UBE2R2: variants seen among roughly 807,000 people sequenced by gnomAD.
UBE2R2 encodes the protein ubiquitin-conjugating enzyme E2 R2.
UBE2R2 carries 1 observed loss-of-function variant against 27.8 expected under a neutral mutation model. The observed-to-expected ratio is 0.04, with a 90% CI of 0.01 to 0.17. The LOEUF (loss-of-function observed/expected upper bound fraction) is 0.17, where lower values mean the gene tolerates loss of function less well. UBE2R2 is among the 10% of genes least tolerant of loss of function. The pLI is 1.00. For synonymous variants in UBE2R2, 106 were observed against 113.3 expected (o/e 0.94, Z 0.41); for missense variants, 100 against 291.0 (o/e 0.34, Z 4.78).
chr9:33,888,533 G>A (rs2130797830), intron 2 of UBE2R2, among the ~76,000 whole-genome samples: 1 of 152,004 alleles, frequency 6.6e-6, no homozygotes. Context: ...TTATTTATTT[G>A]TTATTTGAGA....
chr9:33,818,096 C>T (rs994879811), intron 1 of UBE2R2, among the ~76,000 whole-genome samples, 162 bp downstream of exon 1: 5 of 151,924 alleles, frequency 3.3e-5, no homozygotes, highest in African/African-American at 1.2e-4. Context: ...GAAGGCCTTG[C>T]TCGCCGAGTG....
chr9:33,835,319 G>A (rs1820594123), intron 1 of UBE2R2, among the ~76,000 whole-genome samples: 1 of 151,618 alleles, frequency 6.6e-6, no homozygotes, highest in South Asian at 2.1e-4. Flanking sequence ...GGTAATTTTT[G>A]TATTTTTAGT....
At chr9:33,867,488 T>A (rs777142112) in intron 1 of UBE2R2, among the ~76,000 whole-genome samples, 3 of 152,210 alleles carry the variant, frequency 2.0e-5, no homozygotes, top group Non-Finnish European at 4.4e-5. Context: ...GTAGTAAGAT[T>A]GCCAGTTTTC....
chr9:33,891,180 G>A (rs1313629832), intron 2 of UBE2R2, among the ~76,000 whole-genome samples: 1 of 151,418 alleles, frequency 6.6e-6, no homozygotes, highest in Non-Finnish European at 1.5e-5. Flanking sequence ...CTTCTGAGTA[G>A]CTGGGATTAC....
intron 1 of UBE2R2, among the ~76,000 whole-genome samples, chr9:33,880,989 C>T (rs1378221467): frequency 6.6e-6 from 1 of 152,160 alleles, no homozygotes; most frequent in Non-Finnish European, 1.5e-5. Flanking sequence ...TTGGGGACTG[C>T]TGCTTTAGAC....
intron 1 of UBE2R2, among the ~76,000 whole-genome samples, chr9:33,834,594 A>G (rs963846961): frequency 6.6e-6 from 1 of 152,074 alleles, no homozygotes; most frequent in Non-Finnish European, 1.5e-5. Flanking sequence ...TTATATTTAT[A>G]AAACCTATTC....
chr9:33,864,133 C>T (rs1821308117), intron 1 of UBE2R2, among the ~76,000 whole-genome samples: 1 of 152,042 alleles, frequency 6.6e-6, no homozygotes, highest in Admixed American at 6.6e-5. Context: ...GGCCTGATTA[C>T]TAATTTTATC....
chr9:33,882,532 C>T (rs1821751888), intron 1 of UBE2R2, among the ~76,000 whole-genome samples: 1 of 152,172 alleles, frequency 6.6e-6, no homozygotes, highest in Non-Finnish European at 1.5e-5. Flanking sequence ...ATCCACCCGC[C>T]TAGGGCTCCA....
At chr9:33,860,965 G>GT (rs1417830370) in intron 1 of UBE2R2, among the ~76,000 whole-genome samples, 1,791 of 59,622 alleles carry the variant, frequency 0.03, 17 homozygotes, top group Admixed American at 0.042. Flanking sequence ...TTTGTTTTTT[G>GT]TTTTTTTTTT....
intron 1 of UBE2R2, among the ~76,000 whole-genome samples, chr9:33,870,915 TAC>T (rs1821472885): frequency 6.6e-6 from 1 of 152,206 alleles, no homozygotes; most frequent in African/African-American, 2.4e-5. Flanking sequence ...TTAAATCAAT[TAC>T]AGAGTCTCAT....
At position 33,824,382 on chromosome 9, in the gene UBE2R2, A is replaced by G. The variant is rs562002113; in HGVS notation, c.177+6448A>G. ...CCGGGCGCGGTAGCTCATGCCTGTA[A>G]TCCTAGCACTTTGGGAGGCCGAGGC... On this transcript the variant is annotated intron_variant, in intron 1 of 4. Coordinates refer to ENST00000263228, the MANE Select transcript of UBE2R2 (RefSeq NM_017811.4). Among the ~76,000 whole-genome samples, 9 of 152,154 alleles carry G rather than the reference A, an allele frequency of 5.9e-5. No homozygotes were observed. In the South Asian group the frequency reaches 6.2e-4, roughly 11 times the overall value.
intron 1 of UBE2R2, among the ~76,000 whole-genome samples, chr9:33,835,205 T>C (rs1820590877): frequency 6.9e-6 from 1 of 145,702 alleles, no homozygotes; most frequent in Non-Finnish European, 1.5e-5. Context: ...TGGAGTTTAA[T>C]GGCATGATCT....
chr9:33,867,567 G>C (rs1356146701), intron 1 of UBE2R2, among the ~76,000 whole-genome samples: 1 of 152,114 alleles, frequency 6.6e-6, no homozygotes, highest in East Asian at 1.9e-4. Flanking sequence ...TTGCATCTTT[G>C]CTAGTCTTTT....
intron 1 of UBE2R2, among the ~76,000 whole-genome samples, chr9:33,838,995 T>G (rs1820674348): frequency 6.6e-6 from 1 of 151,084 alleles, no homozygotes; most frequent in African/African-American, 2.4e-5. Flanking sequence ...GGCAGGAGAA[T>G]TGCTTGAACC....
chr9:33,908,559 A>G (rs1447037357), intron 3 of UBE2R2, among the ~76,000 whole-genome samples: 2 of 152,210 alleles, frequency 1.3e-5, no homozygotes, highest in Non-Finnish European at 2.9e-5. Context: ...CCACTATATT[A>G]GTCTGCTGTA....
At chr9:33,848,047 G>T (rs1168254421) in intron 1 of UBE2R2, among the ~76,000 whole-genome samples, 1 of 151,944 alleles carries the variant, frequency 6.6e-6, no homozygotes, top group Non-Finnish European at 1.5e-5. Flanking sequence ...GAGCCACTGC[G>T]CCTGGCCTGT....
At chr9:33,846,452 T>G (rs1255015296) in intron 1 of UBE2R2, among the ~76,000 whole-genome samples, 1 of 152,220 alleles carries the variant, frequency 6.6e-6, no homozygotes, top group Non-Finnish European at 1.5e-5. Context: ...TGTCATCTAA[T>G]TTGACAAAAC....
intron 1 of UBE2R2, among the ~76,000 whole-genome samples, chr9:33,856,541 C>G (rs1255765303): frequency 6.6e-6 from 1 of 152,076 alleles, no homozygotes; most frequent in Non-Finnish European, 1.5e-5. Context: ...TACCACTCAG[C>G]CTTACCTTTA....
chr9:33,852,335 G>GT (rs1267728372), intron 1 of UBE2R2, among the ~76,000 whole-genome samples: 2 of 152,122 alleles, frequency 1.3e-5, no homozygotes, highest in Non-Finnish European at 2.9e-5. Context: ...TCACACTAGT[G>GT]TTATTTCTAG....
Sources: allele counts gnomAD v4.1 joint callset (sites outside exome capture counted in the v4.1 genomes callset), GRCh38; gene constraint gnomAD v4.1.1; transcripts MANE v1.5; gene names NCBI Gene and HGNC (gene_info 2026-07-23, HGNC 2026-07-21).